The following ADGRB1 variants were observed in gnomAD, a reference collection of about 807,000 sequenced individuals.
ADGRB1 encodes brain-specific angiogenesis inhibitor 1.
ADGRB1 carries 36 observed loss-of-function variants against 175.7 expected under a neutral mutation model. That is an observed-to-expected ratio of 0.20 (90% CI 0.16 to 0.27). The LOEUF (loss-of-function observed/expected upper bound fraction) is 0.27. Ranked by LOEUF, ADGRB1 falls within the 10% of genes least tolerant of loss-of-function variation. ADGRB1 has a pLI of 1.00. For missense variants in ADGRB1, 1,731 were observed against 2,255.3 expected, an observed-to-expected ratio of 0.77 and a Z score of 4.71; for synonymous variants, 1,054 against 979.4, an observed-to-expected ratio of 1.08 and a Z score of -1.42.
intron 3 of ADGRB1, among the ~76,000 whole-genome samples, chr8:142,475,895 T>TTGGGG (rs1277680818): frequency 7.1e-6 from 1 of 140,996 alleles, no homozygotes; most frequent in Non-Finnish European, 1.6e-5. Flanking sequence ...GGACCTAAAC[T>TTGGGG]CGGGGCTGGC....
chr8:142,476,776 A>C (rs747510022), intron 4 of ADGRB1, 81 bp downstream of exon 4: 2 of 1,311,618 alleles, frequency 1.5e-6, no homozygotes, highest in Admixed American at 4.5e-5. Context: ...AGTTATGGGT[A>C]GTAACTTGAA....
chr8:142,539,516 C>T (rs2132269997), intron 27 of ADGRB1, 103 bp downstream of exon 27: 2 of 1,381,114 alleles, frequency 1.4e-6, no homozygotes, highest in East Asian at 2.5e-5. Flanking sequence ...TCCCTGTCCA[C>T]TCCTGCTGCC....
chr8:142,513,022 G>A (rs1163750260), intron 18 of ADGRB1, among the ~76,000 whole-genome samples: 3 of 152,086 alleles, frequency 2.0e-5, no homozygotes, highest in Non-Finnish European at 4.4e-5. Context: ...TCTTTGGCAG[G>A]CGGTTCGTGG....
Position 142,464,794 on chromosome 8 carries a change from G to A in ADGRB1, c.596G>A (p.Gly199Asp), listed in dbSNP as rs369164219. 11 of 1,535,072 alleles carry A rather than the reference G, an allele frequency of 7.2e-6. No individual in the cohort carries two copies. The East Asian group carries it at 2.5e-4, about 34-fold the overall frequency. The change falls in exon 2 of 31, where the codon GGT (glycine) becomes GAT (aspartate). Residue 199 changes from glycine (G) to aspartate (D), a missense_variant. Transcript: ENST00000517894. ...CGCTGGCTGGACGCGTGTCTGGCCG[G>A]TAGTCGCAGCTCGCACCCCTGCGGG... Reference protein sequence around the residue: ...LCRWLDACLAGSRSSHPCGIM... With the variant: ...LCRWLDACLADSRSSHPCGIM...
intron 17 of ADGRB1, among the ~76,000 whole-genome samples, chr8:142,498,647 A>C (rs1169611695): frequency 6.6e-6 from 1 of 152,092 alleles, no homozygotes; most frequent in Non-Finnish European, 1.5e-5. Flanking sequence ...CCCTCCTCCC[A>C]GTCCAGGGAG....
At chr8:142,468,075 A>G (rs927258089) in intron 2 of ADGRB1, among the ~76,000 whole-genome samples, 2 of 152,180 alleles carry the variant, frequency 1.3e-5, no homozygotes, top group Non-Finnish European at 2.9e-5. Context: ...CATTCATGCA[A>G]GTGTGTTGTG....
chr8:142,474,482 G>A lies in ADGRB1; in HGVS notation c.785-992G>A, dbSNP rs1021364630. ...AGAGTGCTGGGCAGGAGGCCCGAGC[G>A]GGAGGCCTGGACGCGGCAGCCCCTT... On this transcript the variant is annotated intron_variant, in intron 2 of 30. Transcript: ENST00000517894. The surrounding 1 kb of genome is among the most constrained non-coding windows in gnomAD (Gnocchi z 5.8). Among the ~76,000 whole-genome samples the A allele has an allele frequency of 6.6e-6, 1 of 152,138 alleles. No individual in the cohort carries two copies. Among genetic ancestry groups the A allele is most frequent in the Non-Finnish European group, 1.5e-5 (1 of 68,004 alleles).
chr8:142,542,774 C>G lies in ADGRB1; in HGVS notation c.4413+127C>G, dbSNP rs980687969. On this transcript the variant is annotated intron_variant, in intron 28 of 30. Transcript: ENST00000517894. This position sits in a 1 kb window ranked among gnomAD's most constrained non-coding sequence, Gnocchi z 6.3. ...GGCTGGCTCTGCCTCCTAGCTACACCCCCCACCCCTGGCCCTGCTGGGTGT... is the reference window on the plus strand; with the variant it reads ...GGCTGGCTCTGCCTCCTAGCTACACGCCCCACCCCTGGCCCTGCTGGGTGT... 3 of 849,716 alleles carry G rather than the reference C, an allele frequency of 3.5e-6. No homozygotes were observed. The highest frequency in any genetic ancestry group is 3.1e-5 in the East Asian group (1 of 31,958). The allele number at this position is 849,716 out of a possible 1,614,324, so 52.6% of individuals were successfully genotyped here.
chr8:142,527,156 GC>G (rs1330412177), intron 24 of ADGRB1, among the ~76,000 whole-genome samples: 1 of 152,228 alleles, frequency 6.6e-6, no homozygotes, highest in Non-Finnish European at 1.5e-5. Flanking sequence ...TGGACAGGGT[GC>G]TGGAGCAAGA....
At position 142,492,648 on chromosome 8, in the gene ADGRB1, CTA is replaced by C. The variant is rs1842035625; in HGVS notation, c.2675+1835_2675+1836del. On this transcript the variant is annotated intron_variant, in intron 17 of 30. Transcript: ENST00000517894. This position sits in a 1 kb window ranked among gnomAD's most constrained non-coding sequence, Gnocchi z 4.4. ...TCTGCACCCCACATGGTGGACTCTGCTATGTTTCCTGCCCTGGGTCTGGGGTT... is the reference window on the plus strand; with the variant it reads ...TCTGCACCCCACATGGTGGACTCTGCTGTTTCCTGCCCTGGGTCTGGGGTT... Among the ~76,000 whole-genome samples the C allele has an allele frequency of 6.6e-6, 1 of 152,178 alleles. No individual in the cohort carries two copies. Among genetic ancestry groups the C allele is most frequent in the Admixed American group, 6.5e-5 (1 of 15,282 alleles).
chr8:142,496,006 A>G (rs901991020), intron 17 of ADGRB1, among the ~76,000 whole-genome samples: 64 of 147,940 alleles, frequency 4.3e-4, no homozygotes, highest in Admixed American at 1.0e-3. Context: ...TGGTAGATAG[A>G]TGGATGAGTG....
chr8:142,476,186 T>A (rs1267924030), intron 3 of ADGRB1, among the ~76,000 whole-genome samples: 1 of 152,148 alleles, frequency 6.6e-6, no homozygotes, highest in Non-Finnish European at 1.5e-5. Context: ...AGACTGTCAT[T>A]GTTTGGGCTG....
intron 18 of ADGRB1, among the ~76,000 whole-genome samples, chr8:142,517,812 G>A (rs772961562): frequency 3.9e-4 from 59 of 152,282 alleles, no homozygotes; most frequent in African/African-American, 1.4e-3. Flanking sequence ...TCTGCAGTGT[G>A]GGGCTGGCGC....
rs1039770290 is a variant in ADGRB1 at position 142,504,477 on chromosome 8, G to A, written c.2676-6455G>A. On this transcript the variant is annotated intron_variant, in intron 17 of 30. Coordinates refer to ENST00000517894, the MANE Select transcript of ADGRB1 (RefSeq NM_001702.3). This position sits in a 1 kb window ranked among gnomAD's most constrained non-coding sequence, Gnocchi z 5.6. The stretch of plus-strand genomic sequence containing the variant: ...CAAGGGAGGCCCCTCTGGGATGGTC[G>A]CGGGGGGCTCTGGCTGCTGGGTGAG... Among the ~76,000 whole-genome samples the A allele has an allele frequency of 8.5e-5, 13 of 152,298 alleles. No individual in the cohort carries two copies. The highest frequency in any genetic ancestry group is 2.2e-4 in the African/African-American group (9 of 41,564).
At chr8:142,539,672 A>G in intron 27 of ADGRB1, 1 of 565,128 alleles carries the variant, frequency 1.8e-6, no homozygotes, top group Non-Finnish European at 3.2e-6. Context: ...CTGCCCTGGC[A>G]CTCCTGCTGA....
At chr8:142,506,651 G>A (rs1311500529) in intron 17 of ADGRB1, among the ~76,000 whole-genome samples, 5 of 152,364 alleles carry the variant, frequency 3.3e-5, no homozygotes, top group Admixed American at 2.6e-4. Context: ...CAGCAGGAAG[G>A]ATTTCAGTCA....
intron 11 of ADGRB1, among the ~76,000 whole-genome samples, chr8:142,483,465 CTG>C (rs1841489563): frequency 6.6e-6 from 1 of 151,010 alleles, no homozygotes; most frequent in African/African-American, 2.4e-5. Context: ...TGGTCACACA[CTG>C]AGCCTCAATC....
At chr8:142,526,734 TC>T in intron 24 of ADGRB1, 107 bp downstream of exon 24, 1 of 1,147,896 alleles carries the variant, frequency 8.7e-7, no homozygotes, top group Non-Finnish European at 1.3e-6. Flanking sequence ...AGACTGCAGG[TC>T]CAGGGACCCC....
chr8:142,513,378 C>T (rs759797022), intron 18 of ADGRB1, among the ~76,000 whole-genome samples: 17 of 152,258 alleles, frequency 1.1e-4, no homozygotes, highest in Admixed American at 3.3e-4. Context: ...GGCAGGTGCT[C>T]CCTGGCACCA....
Sources: allele counts gnomAD v4.1 joint callset (sites outside exome capture counted in the v4.1 genomes callset), GRCh38; gene constraint gnomAD v4.1.1; non-coding constraint Gnocchi (gnomAD v3.1); transcripts MANE v1.5; gene names NCBI Gene and HGNC (gene_info 2026-07-23, HGNC 2026-07-21).